DLEU7: variants seen among roughly 807,000 people sequenced by gnomAD.
The protein encoded by DLEU7 is deleted in lymphocytic leukemia 7.
Under a neutral mutation model 16.0 loss-of-function variants are expected in DLEU7, and 17 were observed. The ratio of observed to expected loss-of-function variants is 1.06; its 90% CI spans 0.73 to 1.59. DLEU7 has a LOEUF of 1.59. DLEU7 is among the 40% of genes most tolerant of loss of function. The pLI, the probability that DLEU7 is intolerant of heterozygous loss-of-function variation, is 0.00. For missense variants in DLEU7, 308 were observed against 314.9 expected, an observed-to-expected ratio of 0.98 and a Z score of 0.17; for synonymous variants, 113 against 139.8, an observed-to-expected ratio of 0.81 and a Z score of 1.35.
chr13:50,792,805 T>G (rs1875999350), intron 1 of DLEU7, among the ~76,000 whole-genome samples: 1 of 151,940 alleles, frequency 6.6e-6, no homozygotes, highest in Non-Finnish European at 1.5e-5. Context: ...CTACTTACTC[T>G]CTTCACATAG....
At chr13:50,747,083 A>G (rs118139249) in intron 1 of DLEU7, among the ~76,000 whole-genome samples, 1 of 152,178 alleles carries the variant, frequency 6.6e-6, no homozygotes, top group Non-Finnish European at 1.5e-5. Flanking sequence ...ACCAGAATTC[A>G]CGAAAGATAG....
At chr13:50,791,223 G>A (rs1404084300) in intron 1 of DLEU7, among the ~76,000 whole-genome samples, 1 of 152,136 alleles carries the variant, frequency 6.6e-6, no homozygotes, top group East Asian at 1.9e-4. Context: ...GGCTTGGCTG[G>A]GCTCTTCTCT....
chr13:50,745,773 T>C (rs1874376180), intron 1 of DLEU7, among the ~76,000 whole-genome samples: 1 of 152,152 alleles, frequency 6.6e-6, no homozygotes, highest in African/African-American at 2.4e-5. Flanking sequence ...TTTATGCCTC[T>C]GGTGGGTACT....
chr13:50,762,184 C>T (rs1292677134), intron 1 of DLEU7, among the ~76,000 whole-genome samples: 9 of 108,340 alleles, frequency 8.3e-5, no homozygotes, highest in Admixed American at 2.2e-4. Flanking sequence ...GAGCGAGACT[C>T]GTCTCAAAAA....
intron 1 of DLEU7, among the ~76,000 whole-genome samples, chr13:50,732,871 A>G (rs1318143714): frequency 1.3e-5 from 2 of 152,150 alleles, no homozygotes; most frequent in Non-Finnish European, 2.9e-5. Flanking sequence ...CTCTTTCTCA[A>G]GAGTGCTTCC....
intron 1 of DLEU7, among the ~76,000 whole-genome samples, chr13:50,825,629 T>C (rs1477633083): frequency 6.6e-6 from 1 of 152,076 alleles, no homozygotes; most frequent in Non-Finnish European, 1.5e-5. Context: ...AAATATCCAG[T>C]TGTGTGGTGT....
chr13:50,753,896 A>AT (rs1264327369), intron 1 of DLEU7, among the ~76,000 whole-genome samples: 1 of 152,198 alleles, frequency 6.6e-6, no homozygotes, highest in African/African-American at 2.4e-5. Context: ...AGTTTGAAGA[A>AT]TTTTTTAATT....
chr13:50,789,192 CA>C (rs1346090270), intron 1 of DLEU7, among the ~76,000 whole-genome samples: 1 of 151,160 alleles, frequency 6.6e-6, no homozygotes, highest in Non-Finnish European at 1.5e-5. Context: ...TGCAGGTTAG[CA>C]TGTTAATTCT....
At chr13:50,719,130 C>A (rs1201963720) in intron 1 of DLEU7, among the ~76,000 whole-genome samples, 2 of 152,148 alleles carry the variant, frequency 1.3e-5, no homozygotes, top group Non-Finnish European at 2.9e-5. Context: ...AAAGAAAAAT[C>A]ATTTGTAACC....
downstream of DLEU7, among the ~76,000 whole-genome samples, chr13:50,818,761 A>G (rs1419843109): frequency 6.6e-6 from 1 of 152,140 alleles, no homozygotes; most frequent in East Asian, 1.9e-4. Flanking sequence ...GGCCTCTTTC[A>G]GCTTCTGGTA....
intron 1 of DLEU7, among the ~76,000 whole-genome samples, chr13:50,714,137 G>A (rs1431268601): frequency 1.3e-5 from 2 of 152,218 alleles, no homozygotes; most frequent in Non-Finnish European, 2.9e-5. Context: ...CAGGATCATT[G>A]TAGGAAGGCA....
intron 1 of DLEU7, among the ~76,000 whole-genome samples, chr13:50,739,265 C>G (rs958046131): frequency 2.2e-4 from 34 of 152,290 alleles, no homozygotes; most frequent in African/African-American, 7.7e-4. Flanking sequence ...ACAACTGTTA[C>G]TATACCACTT....
intron 1 of DLEU7, among the ~76,000 whole-genome samples, chr13:50,756,096 G>T (rs768224890): frequency 6.6e-6 from 1 of 152,214 alleles, no homozygotes; most frequent in Non-Finnish European, 1.5e-5. Context: ...ACGGATACCA[G>T]CACCTGTTCT....
rs183842462 is a variant in DLEU7, at chr13:50,773,080, C to T, written c.460-59840G>A. 3.6e-3 allele frequency among the ~76,000 whole-genome samples: 541 copies of T among 152,242 alleles called. 2 individuals are homozygous for T. Among genetic ancestry groups the T allele is most frequent in the African/African-American group, 0.012 (494 of 41,552 alleles). On this transcript the variant is annotated intron_variant, in intron 1 of 1. Coordinates refer to the DLEU7 transcript ENST00000400393. ...AATCAGATACTGAAACTTGTGCATG[C>T]GTCACGTAGTTCTCGTGCCGTGGTT... is the stretch of plus-strand genomic sequence containing the variant.
At chr13:50,809,496 C>T (rs943803247) in intron 1 of DLEU7, among the ~76,000 whole-genome samples, 6 of 152,200 alleles carry the variant, frequency 3.9e-5, no homozygotes, top group Non-Finnish European at 4.4e-5. Flanking sequence ...ATAACCTCAG[C>T]TGGTCTCAGA....
At chr13:50,757,244 A>C (rs542646) in intron 1 of DLEU7, among the ~76,000 whole-genome samples, 71,582 of 152,072 alleles carry the variant, frequency 0.47, 17,825 homozygotes, top group African/African-American at 0.62. Context: ...TCCCATCTGC[A>C]ATGATGATCT....
At chr13:50,713,142 T>G (rs1176456556) in exon 2 of DLEU7, 1 of 1,554,608 alleles carries the variant, frequency 6.4e-7, no homozygotes, top group Non-Finnish European at 8.8e-7. Flanking sequence ...TCATCCCATC[T>G]GGCATTCAGA....
intron 1 of DLEU7, among the ~76,000 whole-genome samples, chr13:50,713,809 A>G (rs1439838583): frequency 1.3e-5 from 2 of 152,218 alleles, no homozygotes; most frequent in Non-Finnish European, 2.9e-5. Flanking sequence ...CTAAAAGCTC[A>G]TTAAAGGCAG....
At chr13:50,836,587 T>A (rs1593417981) in intron 1 of DLEU7, among the ~76,000 whole-genome samples, 1 of 149,072 alleles carries the variant, frequency 6.7e-6, no homozygotes, top group African/African-American at 2.5e-5. Flanking sequence ...GGCAGGAGAG[T>A]GGTGTGAACC....
Sources: allele counts gnomAD v4.1 joint callset (sites outside exome capture counted in the v4.1 genomes callset), GRCh38; gene constraint gnomAD v4.1.1; transcripts MANE v1.5; gene names NCBI Gene and HGNC (gene_info 2026-07-23, HGNC 2026-07-21).